The following LDLRAD4 variants were observed in gnomAD, a reference collection of about 807,000 sequenced individuals.
LDLRAD4 encodes the protein low density lipoprotein receptor class A domain containing 4, also known as low-density lipoprotein receptor class A domain-containing protein 4.
LDLRAD4 carries 5 observed loss-of-function variants against 17.0 expected under a neutral mutation model. That is an observed-to-expected ratio of 0.29 (90% CI 0.15 to 0.62). The LOEUF (loss-of-function observed/expected upper bound fraction) is 0.62. LDLRAD4 is among the 20% of genes least tolerant of loss of function. The pLI is 0.84. For missense variants in LDLRAD4, 340 were observed against 424.7 expected, an observed-to-expected ratio of 0.80 and a Z score of 1.75; for synonymous variants, 168 against 171.8, an observed-to-expected ratio of 0.98 and a Z score of 0.17.
At chr18:13,426,283 A>G (rs1294566274) in intron 2 of LDLRAD4, among the ~76,000 whole-genome samples, 3 of 152,220 alleles carry the variant, frequency 2.0e-5, no homozygotes, top group Non-Finnish European at 4.4e-5. Context: ...CTGGGGAGAT[A>G]GACAAAGGAA....
At chr18:13,321,132 CGA>C in intron 1 of LDLRAD4, among the ~76,000 whole-genome samples, 1 of 152,142 alleles carries the variant, frequency 6.6e-6, no homozygotes, top group African/African-American at 2.4e-5. Context: ...TGCAGGACTC[CGA>C]GAGACTGGCT....
At chr18:13,444,643 CT>C (rs765311436) in intron 3 of LDLRAD4, among the ~76,000 whole-genome samples, 19 of 152,184 alleles carry the variant, frequency 1.2e-4, no homozygotes, top group Non-Finnish European at 2.6e-4. Flanking sequence ...ACTGTTGATC[CT>C]TTCTCTGCTG....
At chr18:13,616,251 T>TCA (rs1324310171) in intron 3 of LDLRAD4, 1 of 143,086 alleles carries the variant, frequency 7.0e-6, no homozygotes, top group African/African-American at 2.6e-5. Context: ...GGAGGACAGG[T>TCA]GGGGGGGGGG....
At chr18:13,499,628 C>T (rs557161272) in intron 3 of LDLRAD4, among the ~76,000 whole-genome samples, 2 of 151,748 alleles carry the variant, frequency 1.3e-5, no homozygotes, top group Non-Finnish European at 3.0e-5. Context: ...TCCTTCTACT[C>T]ACACACGTCC....
chr18:13,251,279 T>TG (rs1429352770), intron 1 of LDLRAD4, among the ~76,000 whole-genome samples: 2 of 152,164 alleles, frequency 1.3e-5, no homozygotes, highest in Non-Finnish European at 2.9e-5. Context: ...TCGTACTAAA[T>TG]GGGGAAAAGC....
intron 1 of LDLRAD4, among the ~76,000 whole-genome samples, chr18:13,270,487 C>T (rs543983611): frequency 5.3e-5 from 8 of 152,306 alleles, no homozygotes; most frequent in South Asian, 4.2e-4. Flanking sequence ...TTTGCATTAC[C>T]GCGTACAAGT....
Position 13,412,759 on chromosome 18 carries a change from G to A in LDLRAD4, c.40+24997G>A, listed in dbSNP as rs193136626. ...TGTCTTCCTTGTTTTTGAAGCCCCAGTGTCTTAGAATAGCACCCGGCAGCC... is the reference window on the plus strand; with the variant it reads ...TGTCTTCCTTGTTTTTGAAGCCCCAATGTCTTAGAATAGCACCCGGCAGCC... On this transcript the variant is annotated intron_variant, in intron 2 of 5. Coordinates refer to ENST00000359446, the Ensembl canonical transcript of LDLRAD4. Among the ~76,000 whole-genome samples, 1,252 of 152,284 alleles carry A rather than the reference G, an allele frequency of 8.2e-3. 60 individuals carry two copies. The highest frequency in any genetic ancestry group is 0.077 in the Admixed American group (1,176 of 15,274).
At chr18:13,496,099 A>G (rs981995052) in intron 3 of LDLRAD4, among the ~76,000 whole-genome samples, 7 of 152,212 alleles carry the variant, frequency 4.6e-5, no homozygotes, top group African/African-American at 1.7e-4. Flanking sequence ...TGCAGGGGAC[A>G]GGTACCAGCT....
At chr18:13,455,958 A>G (rs1321191595) in intron 3 of LDLRAD4, among the ~76,000 whole-genome samples, 2 of 152,110 alleles carry the variant, frequency 1.3e-5, no homozygotes, top group African/African-American at 4.8e-5. Flanking sequence ...AATTCCATGT[A>G]GAAGTCCTGC....
chr18:13,575,433 T>C (rs2094754880), intron 3 of LDLRAD4, among the ~76,000 whole-genome samples: 1 of 152,266 alleles, frequency 6.6e-6, no homozygotes, highest in Non-Finnish European at 1.5e-5. Context: ...TATTCCATGG[T>C]GTATATATAC....
Position 13,323,940 on chromosome 18 carries a change from C to T in LDLRAD4, c.-383+45752C>T, listed in dbSNP as rs571419034. Among the ~76,000 whole-genome samples, 66 of 151,958 alleles carry T rather than the reference C, an allele frequency of 4.3e-4. 2 individuals are homozygous for T. In the East Asian group the frequency reaches 0.012, roughly 27 times the overall value. ...AATTAGCCGGGTGTGGTGTCACTGC[C>T]TCTAGTCCCAGCTACTTGGGAGGCT... is the stretch of plus-strand genomic sequence containing the variant. On this transcript the variant is annotated intron_variant, in intron 1 of 5. Coordinates refer to ENST00000359446, the Ensembl canonical transcript of LDLRAD4.
At chr18:13,560,641 T>C (rs937404304) in intron 3 of LDLRAD4, among the ~76,000 whole-genome samples, 2 of 152,240 alleles carry the variant, frequency 1.3e-5, no homozygotes, top group African/African-American at 4.8e-5. Context: ...TTTAATCTTT[T>C]CTGAGAAGAC....
chr18:13,588,109 T>C (rs2094958781), intron 3 of LDLRAD4, among the ~76,000 whole-genome samples: 2 of 152,348 alleles, frequency 1.3e-5, no homozygotes, highest in East Asian at 1.9e-4. Context: ...CTCAGAAGAA[T>C]AATTTCTTTG....
At chr18:13,448,301 CG>C (rs1346541312) in intron 3 of LDLRAD4, among the ~76,000 whole-genome samples, 1 of 152,140 alleles carries the variant, frequency 6.6e-6, no homozygotes, top group Non-Finnish European at 1.5e-5. Flanking sequence ...TTGTGGAAAC[CG>C]TTGGTCTTGA....
chr18:13,491,852 T>C (rs181769203), intron 3 of LDLRAD4, among the ~76,000 whole-genome samples: 2 of 152,326 alleles, frequency 1.3e-5, no homozygotes, highest in East Asian at 3.9e-4. Flanking sequence ...GCCAAAGCTT[T>C]GCACGTTGGT....
At chr18:13,293,597 A>G (rs1567975572) in intron 1 of LDLRAD4, among the ~76,000 whole-genome samples, 1 of 152,234 alleles carries the variant, frequency 6.6e-6, no homozygotes, top group Non-Finnish European at 1.5e-5. Flanking sequence ...AAGGAGAGCA[A>G]CAAGGAGAAG....
chr18:13,491,242 A>G (rs540062420), intron 3 of LDLRAD4: 41 of 152,330 alleles, frequency 2.7e-4, no homozygotes, highest in African/African-American at 9.6e-4. Context: ...GGTAGCTGGG[A>G]CGATGAAAGC....
upstream of LDLRAD4, among the ~76,000 whole-genome samples, chr18:13,277,090 C>T (rs2044922906): frequency 6.6e-6 from 1 of 152,152 alleles, no homozygotes; most frequent in Non-Finnish European, 1.5e-5. Context: ...AGGTGTTTGG[C>T]TGGGGTAGAG....
chr18:13,444,301 A>G (rs1373843656), intron 3 of LDLRAD4, among the ~76,000 whole-genome samples: 1 of 152,184 alleles, frequency 6.6e-6, no homozygotes, highest in East Asian at 1.9e-4. Context: ...GGGATTGTCA[A>G]TGACCTGTTT....
Sources: allele counts gnomAD v4.1 joint callset (sites outside exome capture counted in the v4.1 genomes callset), GRCh38; gene constraint gnomAD v4.1.1; transcripts MANE v1.5; gene names NCBI Gene and HGNC (gene_info 2026-07-23, HGNC 2026-07-21).